RAP1GAP2: variants seen among roughly 807,000 people sequenced by gnomAD.
RAP1GAP2 encodes rap1 GTPase-activating protein 2.
In RAP1GAP2, 27 loss-of-function variants were observed where a neutral mutation model predicts 95.0. The ratio of observed to expected loss-of-function variants is 0.28; its 90% confidence interval spans 0.21 to 0.39. The LOEUF (loss-of-function observed/expected upper bound fraction) is 0.39. RAP1GAP2 is among the 10% of genes least tolerant of loss of function. RAP1GAP2 has a pLI of 1.00. For synonymous variants in RAP1GAP2, 373 were observed against 380.9 expected, an observed-to-expected ratio of 0.98 and a Z score of 0.24; for missense variants, 771 against 970.0, an observed-to-expected ratio of 0.79 and a Z score of 2.72.
intron 2 of RAP1GAP2, among the ~76,000 whole-genome samples, chr17:2,856,273 G>T (rs1199971502): frequency 1.3e-5 from 2 of 152,146 alleles, no homozygotes; most frequent in African/African-American, 4.8e-5. Flanking sequence ...GTGGTTGGGG[G>T]GTGGAGAGGA....
Position 2,903,102 on chromosome 17 carries a change from A to G in RAP1GAP2, c.81-2182A>G, listed in dbSNP as rs1375757729. On this transcript the variant is annotated intron_variant, in intron 2 of 24. Coordinates refer to ENST00000254695, the MANE Select transcript of RAP1GAP2 (RefSeq NM_015085.5). This position sits in a 1 kb window ranked among gnomAD's most constrained non-coding sequence, Gnocchi z 4.1. Reference sequence around the variant, plus strand: ...CCTCTGCTAAGCCCAGAGTCGCCCTATAGCATCTGGTGGGGGCTTGTTTTA... The same window carrying G: ...CCTCTGCTAAGCCCAGAGTCGCCCTGTAGCATCTGGTGGGGGCTTGTTTTA... 1.3e-5 allele frequency among the ~76,000 whole-genome samples: 2 copies of G among 152,136 alleles called. No homozygotes were observed. The highest frequency in any genetic ancestry group is 2.9e-5 in the Non-Finnish European group (2 of 68,026).
In RAP1GAP2 at chr17:2,871,356, G is replaced by C. The variant is rs1365669444; in HGVS notation, c.81-33928G>C. ...ACATTCCAGGGAGGAGTTCTGATTG[G>C]CCTGGATTGTGTGTCCATCTCAGTC... On this transcript the variant is annotated intron_variant, in intron 2 of 24. Coordinates refer to ENST00000254695, the MANE Select transcript of RAP1GAP2 (RefSeq NM_015085.5). The surrounding 1 kb of genome is among the most constrained non-coding windows in gnomAD (Gnocchi z 5.0). Among the ~76,000 whole-genome samples, 5 of 152,300 alleles carry C rather than the reference G, an allele frequency of 3.3e-5. No individual in the cohort carries two copies. The South Asian group carries it at 8.3e-4, about 25-fold the overall frequency.
At chr17:2,958,644 C>G (rs537428471) in intron 4 of RAP1GAP2, among the ~76,000 whole-genome samples, 2 of 152,210 alleles carry the variant, frequency 1.3e-5, no homozygotes, top group Non-Finnish European at 2.9e-5. Context: ...AGGCAGCACT[C>G]AAAGGGTGCG....
At chr17:2,967,502 G>A (rs1280025038) in intron 8 of RAP1GAP2, among the ~76,000 whole-genome samples, 1 of 152,174 alleles carries the variant, frequency 6.6e-6, no homozygotes, top group Non-Finnish European at 1.5e-5. Context: ...AATAGACAGG[G>A]ATCTTTCCAC....
At chr17:2,956,906 A>G (rs1314498789) in intron 3 of RAP1GAP2, among the ~76,000 whole-genome samples, 1 of 152,134 alleles carries the variant, frequency 6.6e-6, no homozygotes, top group African/African-American at 2.4e-5. Flanking sequence ...AGGCGGGAGG[A>G]TCACAAGGTC....
chr17:2,981,842 A>G (rs1381794034), intron 10 of RAP1GAP2, among the ~76,000 whole-genome samples: 1 of 152,214 alleles, frequency 6.6e-6, no homozygotes, highest in Non-Finnish European at 1.5e-5. Context: ...CTGAGGAATA[A>G]TTATGGCACA....
rs763670689 is a variant in RAP1GAP2 at position 3,036,055 on chromosome 17, A to C, written c.*2694A>C. ...ACTACTTTTCAGGCACTGTAGGGTC[A>C]CCCATATGCCTCCAGCTCAGTTGAC... is the stretch of plus-strand genomic sequence containing the variant. On this transcript the variant is annotated 3_prime_UTR_variant, in exon 25 of 25. Transcript: ENST00000254695. 5 of 152,234 alleles carry C rather than the reference A, an allele frequency of 3.3e-5. No individual in the cohort carries two copies. The highest frequency in any genetic ancestry group is 5.9e-5 in the Non-Finnish European group (4 of 68,058). 9.4% of individuals were successfully genotyped at this position (152,234 alleles called of 1,614,324 possible).
At position 3,030,136 on chromosome 17, in the gene RAP1GAP2, ATT is replaced by A. The variant is rs200543554; in HGVS notation, c.2108-785_2108-784del. Among the ~76,000 whole-genome samples, 1,319 of 147,542 alleles carry A rather than the reference ATT, an allele frequency of 8.9e-3. 13 individuals are homozygous for A. Among genetic ancestry groups the A allele is most frequent in the African/African-American group, 0.031 (1,252 of 40,480 alleles). On this transcript the variant is annotated intron_variant, in intron 22 of 24. Transcript: ENST00000254695. Reference sequence around the variant, plus strand: ...ATGTATATATTATATATACATATATATTATATGTTATATGTATATACATATGT... The same window carrying A: ...ATGTATATATTATATATACATATATAATATGTTATATGTATATACATATGT...
chr17:2,879,086 G>A (rs1303124140), intron 2 of RAP1GAP2, among the ~76,000 whole-genome samples: 1 of 150,080 alleles, frequency 6.7e-6, no homozygotes, highest in African/African-American at 2.5e-5. Flanking sequence ...CCCACTGCAT[G>A]CACCTGGCTT....
intron 8 of RAP1GAP2, among the ~76,000 whole-genome samples, chr17:2,973,308 G>C (rs1461937396): frequency 3.3e-5 from 5 of 152,140 alleles, no homozygotes; most frequent in African/African-American, 1.2e-4. Flanking sequence ...CTGAGGTCAG[G>C]AGTTCGAGAC....
chr17:3,025,083 A>C (rs188372993), intron 19 of RAP1GAP2, among the ~76,000 whole-genome samples: 2 of 152,332 alleles, frequency 1.3e-5, no homozygotes, highest in East Asian at 3.9e-4. Context: ...ATTATTTAAA[A>C]AGTACATTGA....
chr17:3,014,012 C>T lies in RAP1GAP2; in HGVS notation c.1495-4049C>T, dbSNP rs1049160479. On this transcript the variant is annotated intron_variant, in intron 17 of 24. Transcript: ENST00000254695. ...AGGAATACAATCACGTGTCACTCAA[C>T]GACGGGAAATACGTCCTGAGAAATG... Among the ~76,000 whole-genome samples the T allele has an allele frequency of 8.5e-5, 13 of 152,218 alleles. No individual in the cohort carries two copies. The East Asian group carries it at 1.5e-3, about 18-fold the overall frequency.
chr17:2,878,611 G>T (rs972435588), intron 2 of RAP1GAP2, among the ~76,000 whole-genome samples: 2 of 152,196 alleles, frequency 1.3e-5, no homozygotes, highest in African/African-American at 4.8e-5. Flanking sequence ...TTCTCTCGCT[G>T]GTTCCTGCTG....
At chr17:3,026,697 A>G (rs1295997100) in intron 21 of RAP1GAP2, among the ~76,000 whole-genome samples, 1 of 152,166 alleles carries the variant, frequency 6.6e-6, no homozygotes, top group African/African-American at 2.4e-5. Context: ...GCCAGACCCG[A>G]TGGTGCCCTG....
intron 2 of RAP1GAP2, among the ~76,000 whole-genome samples, chr17:2,853,420 G>A (rs1434059958): frequency 6.6e-6 from 1 of 151,998 alleles, no homozygotes; most frequent in Non-Finnish European, 1.5e-5. Context: ...GGAAGTATCC[G>A]GGGCCGGGCC....
intron 3 of RAP1GAP2, among the ~76,000 whole-genome samples, chr17:2,910,067 G>T (rs1380231437): frequency 6.6e-6 from 1 of 152,218 alleles, no homozygotes; most frequent in Admixed American, 6.5e-5. Context: ...CTCACCACAG[G>T]AGTGTCCCAT....
intron 3 of RAP1GAP2, among the ~76,000 whole-genome samples, chr17:2,912,967 C>T (rs1031168196): frequency 6.6e-6 from 1 of 152,034 alleles, no homozygotes; most frequent in African/African-American, 2.4e-5. Context: ...CCCTTGAGGC[C>T]AGGAGTTTGA....
chr17:3,023,447 CA>C (rs1187500229), intron 19 of RAP1GAP2, among the ~76,000 whole-genome samples: 2 of 152,072 alleles, frequency 1.3e-5, no homozygotes, highest in Admixed American at 1.3e-4. Flanking sequence ...TCCAAATTCC[CA>C]GGTTTTCTGC....
At chr17:2,848,108 A>G (rs2151585820) in intron 2 of RAP1GAP2, among the ~76,000 whole-genome samples, 1 of 152,196 alleles carries the variant, frequency 6.6e-6, no homozygotes, top group Non-Finnish European at 1.5e-5. Context: ...GATTGACATC[A>G]CGTACTGCAG....
Sources: gnomAD v4.1 joint callset for allele counts (sites outside exome capture counted in the v4.1 genomes callset) on GRCh38, gnomAD v4.1.1 for gene constraint, Gnocchi (gnomAD v3.1) non-coding constraint, MANE v1.5 for transcripts, NCBI Gene and HGNC (gene_info 2026-07-23, HGNC 2026-07-21) for gene names.